GLYATL2: variants seen among roughly 807,000 people sequenced by gnomAD.
The protein encoded by GLYATL2 is glycine-N-acyltransferase like 2.
A neutral mutation model predicts 21.4 loss-of-function variants in GLYATL2; 25 were observed. The ratio of observed to expected loss-of-function variants is 1.17; its 90% CI spans 0.85 to 1.63. The LOEUF is 1.63. Among genes scored for constraint, GLYATL2 ranks in the 40% most tolerant of loss-of-function variants. The probability of loss-of-function intolerance (pLI) is 0.00; values close to 1 mark genes in which losing one functional copy is unlikely to be tolerated. For synonymous variants in GLYATL2, 114 were observed against 118.2 expected (o/e 0.96, Z 0.23); for missense variants, 361 against 343.3 (o/e 1.05, Z -0.41).
intron 1 of GLYATL2, among the ~76,000 whole-genome samples, chr11:58,883,846 G>A (rs902082194): frequency 1.3e-5 from 2 of 152,166 alleles, no homozygotes; most frequent in Non-Finnish European, 2.9e-5. Flanking sequence ...GAATCCAGCA[G>A]CACATCAAAA....
chr11:58,849,360 T>A (rs770764356), upstream of GLYATL2, among the ~76,000 whole-genome samples: 6 of 152,064 alleles, frequency 3.9e-5, no homozygotes, highest in Non-Finnish European at 8.8e-5. Flanking sequence ...GCTCAAGCAA[T>A]CCACCTACCT....
chr11:58,887,508 TC>T (rs1438105926), intron 1 of GLYATL2, among the ~76,000 whole-genome samples: 2 of 152,148 alleles, frequency 1.3e-5, no homozygotes, highest in East Asian at 3.8e-4. Context: ...TAATAACTTC[TC>T]TCCTCCCCCT....
chr11:58,880,124 C>T (rs1051550461), intron 1 of GLYATL2, among the ~76,000 whole-genome samples: 4 of 152,128 alleles, frequency 2.6e-5, no homozygotes, highest in Non-Finnish European at 5.9e-5. Context: ...TCCCAAAGTG[C>T]GGGGATTACA....
chr11:58,881,285 AAAG>A (rs1445270821), intron 1 of GLYATL2, among the ~76,000 whole-genome samples: 1 of 152,218 alleles, frequency 6.6e-6, no homozygotes, highest in Non-Finnish European at 1.5e-5. Context: ...ACAACTTAAA[AAAG>A]AAGTAGGAGA....
chr11:58,850,045 C>T (rs753362412), intron 1 of GLYATL2, among the ~76,000 whole-genome samples: 3 of 152,060 alleles, frequency 2.0e-5, no homozygotes, highest in Non-Finnish European at 4.4e-5. Flanking sequence ...ATACCAAAAC[C>T]GAAGACACAT....
At chr11:58,879,849 T>TC (rs1167281566) in intron 1 of GLYATL2, among the ~76,000 whole-genome samples, 2 of 117,024 alleles carry the variant, frequency 1.7e-5, no homozygotes, top group African/African-American at 3.2e-5. Context: ...TTTCTTTTTT[T>TC]CCTTGTTTTT....
At chr11:58,845,447 T>A (rs1853626255), upstream of GLYATL2, among the ~76,000 whole-genome samples, 1 of 152,030 alleles carries the variant, frequency 6.6e-6, no homozygotes, top group South Asian at 2.1e-4. Flanking sequence ...AAAATTTTGG[T>A]TTTTAATTAG....
intron 1 of GLYATL2, among the ~76,000 whole-genome samples, chr11:58,874,736 A>G (rs10896869): frequency 0.89 from 134,827 of 152,234 alleles, 60,916 homozygotes; most frequent in Non-Finnish European, 0.98. Context: ...TAGTAGTTGT[A>G]GTGTGGTGCT....
At chr11:58,845,990 G>A (rs74498082), upstream of GLYATL2, among the ~76,000 whole-genome samples, 1 of 148,996 alleles carries the variant, frequency 6.7e-6, no homozygotes, top group Non-Finnish European at 1.5e-5. Context: ...AACCAAAAGT[G>A]GTTCACATAA....
At chr11:58,837,495 T>C in intron 3 of GLYATL2, 98 bp from the exon 4 acceptor site, 2 of 1,169,764 alleles carry the variant, frequency 1.7e-6, no homozygotes, top group Admixed American at 2.1e-5. Flanking sequence ...GTTTGAAATA[T>C]TCTGTTTTTC....
chr11:58,873,162 T>A (rs889314537), intron 1 of GLYATL2, among the ~76,000 whole-genome samples: 1 of 151,090 alleles, frequency 6.6e-6, no homozygotes, highest in African/African-American at 2.4e-5. Flanking sequence ...CTGAAGTTGT[T>A]TATCAGATTA....
chr11:58,888,138 T>C (rs1021277877), intron 1 of GLYATL2, among the ~76,000 whole-genome samples: 1 of 152,186 alleles, frequency 6.6e-6, no homozygotes, highest in African/African-American at 2.4e-5. Flanking sequence ...CTGAACTGTT[T>C]ATGTTGTTTG....
chr11:58,887,795 A>G (rs944494726), intron 1 of GLYATL2, among the ~76,000 whole-genome samples: 6 of 152,212 alleles, frequency 3.9e-5, no homozygotes, highest in Admixed American at 1.3e-4. Flanking sequence ...CAATGCTTCA[A>G]TAAACATCCT....
chr11:58,907,900 A>G (rs771363920), upstream of GLYATL2: 3 of 154,238 alleles, frequency 1.9e-5, no homozygotes, highest in Non-Finnish European at 4.3e-5. Context: ...TCTCCCTGAT[A>G]CTTCATGAAT....
At chr11:58,882,701 T>G (rs903808235) in intron 1 of GLYATL2, among the ~76,000 whole-genome samples, 7 of 152,208 alleles carry the variant, frequency 4.6e-5, no homozygotes, top group Non-Finnish European at 1.0e-4. Flanking sequence ...CTTCTAGGGT[T>G]TTTATGGGTT....
chr11:58,903,518 C>T (rs959354535), intron 1 of GLYATL2, among the ~76,000 whole-genome samples: 23 of 152,056 alleles, frequency 1.5e-4, no homozygotes, highest in African/African-American at 4.8e-4. Context: ...ATTAAAAATA[C>T]AAAAAGTATC....
At chr11:58,849,025 G>A (rs1030447728), upstream of GLYATL2, among the ~76,000 whole-genome samples, 1 of 152,168 alleles carries the variant, frequency 6.6e-6, no homozygotes, top group Admixed American at 6.5e-5. Flanking sequence ...AAACCTAGGA[G>A]ACAGTGGCAT....
intron 1 of GLYATL2, among the ~76,000 whole-genome samples, chr11:58,880,052 G>A (rs982315485): frequency 2.6e-5 from 4 of 151,962 alleles, no homozygotes; most frequent in Admixed American, 6.5e-5. Context: ...TAGAGACGGG[G>A]TTTCACCATG....
chr11:58,841,939 G>A (rs1283074437), intron 1 of GLYATL2, among the ~76,000 whole-genome samples: 1 of 152,180 alleles, frequency 6.6e-6, no homozygotes, highest in Non-Finnish European at 1.5e-5. Context: ...TTTTCAAAGA[G>A]CTTGACCAGG....
Sources: allele counts gnomAD v4.1 joint callset (sites outside exome capture counted in the v4.1 genomes callset), GRCh38; gene constraint gnomAD v4.1.1; transcripts MANE v1.5; gene names NCBI Gene and HGNC (gene_info 2026-07-23, HGNC 2026-07-21).